The following USP7 variants were observed in gnomAD, a reference collection of about 807,000 sequenced individuals.
USP7 encodes the protein ubiquitin C-terminal hydrolase 7.
USP7 carries 9 observed loss-of-function variants against 162.9 expected under a neutral mutation model. That is an observed-to-expected ratio of 0.06 (90% CI 0.03 to 0.10). The LOEUF (loss-of-function observed/expected upper bound fraction) is 0.10. Among genes scored for constraint, USP7 ranks in the 10% least tolerant of loss-of-function variants. The pLI, the probability that USP7 is intolerant of heterozygous loss-of-function variation, is 1.00. For missense variants in USP7, 715 were observed against 1,373.7 expected (o/e 0.52, Z 7.58); for synonymous variants, 562 against 475.9 (o/e 1.18, Z -2.35).
In USP7 at chr16:8,894,119, G is replaced by GA; in HGVS notation, c.3203-16dup. 5.0e-6 allele frequency: 8 copies of GA among 1,612,188 alleles called. No homozygotes were observed. Among genetic ancestry groups the GA allele is most frequent in the Non-Finnish European group, 6.8e-6 (8 of 1,178,200 alleles). On this transcript the variant is annotated splice_polypyrimidine_tract_variant and intron_variant, in intron 30 of 30. Transcript: ENST00000344836. ...AGACATATTACCTGGTGGGGATGAA[G>GA]AAAAGCAAGTGAGGCCACAGAGCAG... is the stretch of plus-strand genomic sequence containing the variant.
chr16:8,933,793 T>G (rs867614740), intron 1 of USP7, among the ~76,000 whole-genome samples: 93 of 151,590 alleles, frequency 6.1e-4, no homozygotes, highest in African/African-American at 2.2e-3. Flanking sequence ...TCTTCCTCTA[T>G]CTCCCAGGCT....
intron 5 of USP7, among the ~76,000 whole-genome samples, chr16:8,919,503 GGAAAAAGCTGAAACTCATCTTTTCTGTA>G (rs767492711): frequency 1.1e-4 from 17 of 151,916 alleles, no homozygotes; most frequent in Non-Finnish European, 7.4e-5. Context: ...AGCACAACGT[GGAAAAAGCTGAAACTCATCTTTTCTGTA>G]GACACACACA....
At chr16:8,963,148 C>G (rs918165024) in intron 1 of USP7, 59 bp downstream of exon 1, 1 of 1,344,506 alleles carries the variant, frequency 7.4e-7, no homozygotes, top group African/African-American at 1.6e-5. Context: ...TCCCGCGGCT[C>G]CCCCGGCCAC....
chr16:8,936,078 A>C (rs1355481065), intron 1 of USP7, among the ~76,000 whole-genome samples: 1 of 152,160 alleles, frequency 6.6e-6, no homozygotes, highest in Non-Finnish European at 1.5e-5. Context: ...AACACAATAC[A>C]ACCCTGGTGT....
intron 8 of USP7, among the ~76,000 whole-genome samples, chr16:8,916,009 T>C (rs1439086889): frequency 1.3e-5 from 2 of 152,230 alleles, no homozygotes; most frequent in African/African-American, 4.8e-5. Context: ...GTTGTGTGTG[T>C]GTGCTTCTGC....
intron 2 of USP7, among the ~76,000 whole-genome samples, chr16:8,926,314 C>A (rs1186461008): frequency 6.6e-6 from 1 of 151,884 alleles, no homozygotes; most frequent in Non-Finnish European, 1.5e-5. Flanking sequence ...CCCGTCTCTA[C>A]TAAAAATAAA....
intron 1 of USP7, among the ~76,000 whole-genome samples, chr16:8,935,201 A>ATT (rs35380091): frequency 0.056 from 7,652 of 136,366 alleles, 305 homozygotes; most frequent in Non-Finnish European, 0.078. Flanking sequence ...TAAGGCACTA[A>ATT]TTTTTTTTTT....
At chr16:8,918,906 G>A in intron 6 of USP7, 125 bp downstream of exon 6, 2 of 889,688 alleles carry the variant, frequency 2.2e-6, no homozygotes, top group East Asian at 4.9e-5. Flanking sequence ...GCATGAACTA[G>A]CAGCCATCTG....
At chr16:8,950,951 G>A (rs1336162716) in intron 1 of USP7, among the ~76,000 whole-genome samples, 1 of 152,182 alleles carries the variant, frequency 6.6e-6, no homozygotes, top group East Asian at 1.9e-4. Flanking sequence ...GACCAGTTAA[G>A]TAACCATTCA....
At chr16:8,953,782 C>A (rs75578838) in intron 1 of USP7, among the ~76,000 whole-genome samples, 1 of 2,568 alleles carries the variant, frequency 3.9e-4, no homozygotes, top group African/African-American at 1.2e-3. Flanking sequence ...CACGTGCCCC[C>A]TGCGGCGCCA....
At position 8,905,294 on chromosome 16, in the gene USP7, G is replaced by C; in HGVS notation, c.1466C>G (p.Thr489Ser). 1 of 1,614,152 alleles carries C rather than the reference G, an allele frequency of 6.2e-7. No homozygotes were observed. The highest frequency in any genetic ancestry group is 1.3e-5 in the African/African-American group (1 of 75,020). Reference protein sequence around the residue: ...KFDDDVVSRCTKEEAIEHNYG... With the variant: ...KFDDDVVSRCSKEEAIEHNYG... ...ATTGTGCTCAATTGCTTCCTCTTTA[G>C]TACACCTTGACACCACGTCGTCATC... The change falls in exon 14 of 31, where the codon ACT (threonine) becomes AGT (serine). Residue 489 changes from threonine to serine, a missense_variant. Transcript: ENST00000344836.
At chr16:8,917,993 T>C (rs1053617465) in intron 6 of USP7, among the ~76,000 whole-genome samples, 3 of 152,122 alleles carry the variant, frequency 2.0e-5, no homozygotes, top group Middle Eastern at 3.4e-3. Context: ...GGTTTCACCA[T>C]GTTAGCCAGG....
Position 8,899,705 on chromosome 16 carries a change from G to C in USP7, c.2362C>G (p.Arg788Gly). 6.2e-7 allele frequency: 1 copy of C among 1,614,186 alleles called. No individual in the cohort carries two copies. The highest frequency in any genetic ancestry group is 8.5e-7 in the Non-Finnish European group (1 of 1,180,016). ...ACATCAACGCGGTGGTAGAGATCTC[G>C]GAAATACTCCTTTGCGGTGGGTAAT... is the stretch of plus-strand genomic sequence containing the variant. ...SELPTAKEYF[R>G]DLYHRVDVIF... Residue 788 changes from arginine (R) to glycine (G), a missense_variant, in exon 22 of 31, where the codon CGA (arginine) becomes GGA (glycine). Arg to Gly is a moderately radical substitution (Grantham distance 125). Coordinates refer to ENST00000344836, the MANE Select transcript of USP7 (RefSeq NM_003470.3).
rs955730290 is a variant in USP7, at chr16:8,893,425, A to C, written c.*573T>G. 1 of 154,290 alleles carries C rather than the reference A, an allele frequency of 6.5e-6. No homozygotes were observed. The highest frequency in any genetic ancestry group is 1.4e-5 in the Non-Finnish European group (1 of 69,348). 9.6% of individuals were successfully genotyped at this position (154,290 alleles called of 1,614,324 possible). ...CAGTAGTGGCTGACGAGGTGAGACA[A>C]GTTTATTAAAAAGCCCCCAGGCAGC... On this transcript the variant is annotated 3_prime_UTR_variant, in exon 31 of 31. Transcript: ENST00000344836.
At chr16:8,916,969 TAAAA>T (rs34357840) in intron 7 of USP7, 53 bp downstream of exon 7, 721 of 1,293,612 alleles carry the variant, frequency 5.6e-4, no homozygotes, top group South Asian at 1.9e-3. Context: ...TCACTTGTCC[TAAAA>T]AAAAAAAAAA....
At chr16:8,944,172 T>C (rs1485056387) in intron 1 of USP7, among the ~76,000 whole-genome samples, 3 of 152,094 alleles carry the variant, frequency 2.0e-5, no homozygotes. Flanking sequence ...TGTTTGAATG[T>C]TTCCGGGAAT....
intron 14 of USP7, 68 bp downstream of exon 14, chr16:8,905,119 G>T: frequency 6.5e-7 from 1 of 1,548,836 alleles, no homozygotes; most frequent in Non-Finnish European, 8.9e-7. Context: ...AAAGGATATT[G>T]GAGATTCATG....
chr16:8,960,525 C>T (rs1420263418), intron 1 of USP7, among the ~76,000 whole-genome samples: 3 of 152,200 alleles, frequency 2.0e-5, no homozygotes, highest in South Asian at 2.1e-4. Flanking sequence ...TCCTTCGAAA[C>T]CACTCTGCCC....
intron 8 of USP7, among the ~76,000 whole-genome samples, chr16:8,916,247 A>G (rs1442580949): frequency 6.6e-6 from 1 of 152,198 alleles, no homozygotes; most frequent in African/African-American, 2.4e-5. Flanking sequence ...TATATATACC[A>G]ATTTAACAAA....
Sources: gnomAD v4.1 joint callset for allele counts (sites outside exome capture counted in the v4.1 genomes callset) on GRCh38, gnomAD v4.1.1 for gene constraint, MANE v1.5 for transcripts, NCBI Gene and HGNC (gene_info 2026-07-23, HGNC 2026-07-21) for gene names.